Variants in CTPS2 observed in about 807,000 individuals in gnomAD.
The protein encoded by CTPS2 is CTP synthase II.
CTPS2 carries 19 observed loss-of-function variants against 46.8 expected under a neutral mutation model. The ratio of observed to expected loss-of-function variants is 0.41; its 90% CI spans 0.28 to 0.60. The LOEUF is 0.60. Among genes scored for constraint, CTPS2 ranks in the 20% least tolerant of loss-of-function variants. The pLI is 0.35. For missense variants in CTPS2, 286 were observed against 447.6 expected (o/e 0.64, Z 3.26); for synonymous variants, 151 against 165.2 (o/e 0.91, Z 0.66).
chrX:16,644,171 G>A (rs1221179978), intron 13 of CTPS2, among the ~76,000 whole-genome samples: 2 of 108,002 alleles, frequency 1.9e-5, no homozygotes, highest in African/African-American at 6.8e-5. Context: ...ATCTCACTCT[G>A]TCTCCAAGGC....
chrX:16,707,088 T>C (rs746985664), intron 1 of CTPS2, among the ~76,000 whole-genome samples: 129 of 111,079 alleles, frequency 1.2e-3, no homozygotes, highest in Middle Eastern at 4.6e-3. Flanking sequence ...GAAAGTCTCC[T>C]TTCTAAATTT....
Position 16,691,610 on chromosome X carries a change from C to T in CTPS2, c.650G>A (p.Arg217Gln), listed in dbSNP as rs778450479. 2 of 1,207,983 alleles carry T rather than the reference C, an allele frequency of 1.7e-6. No individual in the cohort carries two copies. The highest frequency in any genetic ancestry group is 2.2e-6 in the Non-Finnish European group (2 of 892,049). Residue 217 changes from arginine to glutamine, a missense_variant, in exon 7 of 19, where the codon CGA (arginine) becomes CAA (glutamine). Coordinates refer to ENST00000359276, the MANE Select transcript of CTPS2 (RefSeq NM_175859.3). ...GGCCATCTCAATGGGCGTTGAACTT[C>T]GGCAGACAATCTGTCAAAGCCAGTT... Reference protein sequence around the residue: ...LGLSPDLIVCRSSTPIEMAVK... With the variant: ...LGLSPDLIVCQSSTPIEMAVK...
chrX:16,598,998 G>A (rs1012554337), intron 17 of CTPS2, among the ~76,000 whole-genome samples: 4 of 111,877 alleles, frequency 3.6e-5, no homozygotes, highest in South Asian at 3.7e-4. Flanking sequence ...GCCTTTGACA[G>A]AATTCAACAA....
At position 16,702,692 on chromosome X, in the gene CTPS2, C is replaced by A. The variant is rs1924674289; in HGVS notation, c.166+45G>T. ...ATTACCCAAAATGGAAGAAAGAATG[C>A]AGTTGAGCCTAGTGCTATAAGGGGG... On this transcript the variant is annotated intron_variant, in intron 2 of 18. Coordinates refer to ENST00000359276, the MANE Select transcript of CTPS2 (RefSeq NM_175859.3). 3.6e-6 allele frequency: 4 copies of A among 1,108,044 alleles called. No homozygotes were observed. In the Admixed American group the frequency reaches 6.9e-5, roughly 19 times the overall value. The allele number at this position is 1,108,044 out of a possible 1,213,427, so 91.3% of individuals were successfully genotyped here.
intron 17 of CTPS2, among the ~76,000 whole-genome samples, chrX:16,605,722 CTAAA>C (rs971385127): frequency 1.8e-5 from 2 of 112,047 alleles, no homozygotes; most frequent in African/African-American, 6.5e-5. Flanking sequence ...AACTCCATCT[CTAAA>C]TAAATAAATA....
intron 10 of CTPS2, 39 bp from the exon 11 acceptor site, chrX:16,670,713 A>T (rs773979652): frequency 2.3e-5 from 22 of 943,470 alleles, no homozygotes; most frequent in Admixed American, 2.3e-4. Flanking sequence ...TTGACTATCC[A>T]TTTTTTTTTT....
intron 10 of CTPS2, among the ~76,000 whole-genome samples, chrX:16,673,533 T>C (rs775014767): frequency 9.0e-6 from 1 of 110,769 alleles, no homozygotes; most frequent in African/African-American, 3.3e-5. Context: ...TGCTTACAAC[T>C]ACTGGATCTT....
chrX:16,668,372 A>C (rs1921376014), intron 11 of CTPS2, among the ~76,000 whole-genome samples: 2 of 105,511 alleles, frequency 1.9e-5, no homozygotes, highest in South Asian at 8.6e-4. Flanking sequence ...CAGGAGATCG[A>C]GACCATCCTG....
intron 14 of CTPS2, 142 bp downstream of exon 14, chrX:16,639,005 G>A (rs763294998): frequency 5.4e-6 from 3 of 553,669 alleles, no homozygotes; most frequent in Admixed American, 4.7e-5. Flanking sequence ...TGAGGGCAGG[G>A]GAGATGGGAA....
chrX:16,647,255 C>CTTTTTTT (rs746634342), intron 13 of CTPS2, among the ~76,000 whole-genome samples: 23 of 39,753 alleles, frequency 5.8e-4, no homozygotes, highest in African/African-American at 2.3e-3. Context: ...TGGGCCCATT[C>CTTTTTTT]TTTTTTTTTT....
At chrX:16,601,259 C>A (rs1929638060) in intron 17 of CTPS2, among the ~76,000 whole-genome samples, 1 of 111,090 alleles carries the variant, frequency 9.0e-6, no homozygotes, top group Non-Finnish European at 1.9e-5. Context: ...CAGAGCCACG[C>A]AACGTAAGAG....
At chrX:16,703,305 G>C (rs1281649298) in intron 1 of CTPS2, among the ~76,000 whole-genome samples, 1 of 108,834 alleles carries the variant, frequency 9.2e-6, no homozygotes, top group African/African-American at 3.4e-5. Context: ...GGGATAACAG[G>C]CATGAGCCAC....
At chrX:16,678,748 C>G (rs1922487301) in intron 9 of CTPS2, among the ~76,000 whole-genome samples, 1 of 110,178 alleles carries the variant, frequency 9.1e-6, no homozygotes, top group African/African-American at 3.3e-5. Flanking sequence ...GTGCCTGTAG[C>G]CCCAGCTACT....
chrX:16,609,247 T>C (rs1423613220), intron 17 of CTPS2, among the ~76,000 whole-genome samples: 1 of 111,159 alleles, frequency 9.0e-6, no homozygotes, highest in Admixed American at 9.6e-5. Context: ...CCAATAAACA[T>C]ATAAAAATTC....
Position 16,597,418 on chromosome X carries a change from C to T in CTPS2, c.1692-6556G>A, listed in dbSNP as rs767695216. On this transcript the variant is annotated intron_variant, in intron 17 of 18. Coordinates refer to ENST00000359276, the MANE Select transcript of CTPS2 (RefSeq NM_175859.3). Reference sequence around the variant, plus strand: ...GTTTCAGCCTTTTACATATGGCTAGCCAGTTTTCCCAGCACCATTTATTAA... The same window carrying T: ...GTTTCAGCCTTTTACATATGGCTAGTCAGTTTTCCCAGCACCATTTATTAA... Among the ~76,000 whole-genome samples, 178 of 112,214 alleles carry T rather than the reference C, an allele frequency of 1.6e-3. 2 individuals carry two copies. The highest frequency in any genetic ancestry group is 5.4e-3 in the African/African-American group (167 of 30,871).
Position 16,639,261 on chromosome X carries a change from G to A in CTPS2, c.1297-18C>T. ...TCAATCACCTTAGAAAACAAAACAAGTCCAGTTTTGCCATCTTGTAAAAAT... is the reference window on the plus strand; with the variant it reads ...TCAATCACCTTAGAAAACAAAACAAATCCAGTTTTGCCATCTTGTAAAAAT... On this transcript the variant is annotated intron_variant, in intron 13 of 18. Transcript: ENST00000359276. 3 of 1,125,732 alleles carry A rather than the reference G, an allele frequency of 2.7e-6. No individual in the cohort carries two copies. The highest frequency in any genetic ancestry group is 2.4e-6 in the Non-Finnish European group (2 of 818,943). 92.8% of individuals were successfully genotyped at this position (1,125,732 alleles called of 1,213,427 possible).
At chrX:16,652,661 G>A (rs1252866908) in intron 13 of CTPS2, among the ~76,000 whole-genome samples, 2 of 112,123 alleles carry the variant, frequency 1.8e-5, no homozygotes, top group Non-Finnish European at 3.8e-5. Context: ...AAGGTAACAC[G>A]GGTAACTTTT....
intron 4 of CTPS2, among the ~76,000 whole-genome samples, chrX:16,693,928 A>T (rs1406827542): frequency 8.9e-6 from 1 of 112,107 alleles, no homozygotes; most frequent in Non-Finnish European, 1.9e-5. Flanking sequence ...GCACTTTGGG[A>T]GGCCGAGGCG....
In CTPS2 at chrX:16,654,957, G is replaced by A. The variant is rs374194487; in HGVS notation, c.1296+12557C>T. Among the ~76,000 whole-genome samples, 9 of 111,267 alleles carry A rather than the reference G, an allele frequency of 8.1e-5. 1 individual carries two copies. Among genetic ancestry groups the A allele is most frequent in the Admixed American group, 2.9e-4 (3 of 10,407 alleles). On this transcript the variant is annotated intron_variant, in intron 13 of 18. Coordinates refer to ENST00000359276, the MANE Select transcript of CTPS2 (RefSeq NM_175859.3). ...GCCAAGATAGCTCTGTGATCCTGCC[G>A]AAAACTACAAAGATGGTGTGGGAGA...
Sources: gnomAD v4.1 joint callset for allele counts (sites outside exome capture counted in the v4.1 genomes callset) on GRCh38, gnomAD v4.1.1 for gene constraint, MANE v1.5 for transcripts, NCBI Gene and HGNC (gene_info 2026-07-23, HGNC 2026-07-21) for gene names.